The following SHTN1 variants were observed in gnomAD, a reference collection of about 807,000 sequenced individuals.
SHTN1 encodes the protein shootin-1.
In SHTN1, 42 loss-of-function variants were observed where a neutral mutation model predicts 83.1. The observed-to-expected ratio is 0.51, with a 90% CI of 0.39 to 0.65. SHTN1 has a LOEUF of 0.65. Among genes scored for constraint, SHTN1 ranks in the 30% least tolerant of loss-of-function variants. SHTN1 has a pLI of 0.00. For missense variants in SHTN1, 622 were observed against 737.8 expected (o/e 0.84, Z 1.82); for synonymous variants, 224 against 247.7 (o/e 0.90, Z 0.90).
chr10:116,955,376 A>G (rs555179365), intron 4 of SHTN1, among the ~76,000 whole-genome samples: 102 of 152,332 alleles, frequency 6.7e-4, no homozygotes, highest in Non-Finnish European at 1.2e-3. Flanking sequence ...AGTAATCAGT[A>G]GATTATTTTC....
chr10:117,008,812 A>G (rs945754094), upstream of SHTN1, among the ~76,000 whole-genome samples: 3 of 152,204 alleles, frequency 2.0e-5, no homozygotes, highest in South Asian at 6.2e-4. Flanking sequence ...TTCTCTGAAT[A>G]TACTCAAAAC....
At chr10:116,973,366 T>G (rs910634628) in intron 2 of SHTN1, among the ~76,000 whole-genome samples, 1 of 152,198 alleles carries the variant, frequency 6.6e-6, no homozygotes, top group African/African-American at 2.4e-5. Context: ...AGTGCATATA[T>G]GCACTGCATA....
At chr10:116,921,075 G>A (rs751396003) in intron 12 of SHTN1, among the ~76,000 whole-genome samples, 7 of 152,168 alleles carry the variant, frequency 4.6e-5, no homozygotes, top group Non-Finnish European at 1.0e-4. Flanking sequence ...CAGTGGAGTA[G>A]TACATACTAA....
intron 16 of SHTN1, among the ~76,000 whole-genome samples, chr10:116,897,861 G>A (rs146100183): frequency 4.7e-4 from 72 of 152,226 alleles, no homozygotes; most frequent in African/African-American, 1.6e-3. Context: ...TATGTGGACA[G>A]GCACCGGCTT....
intron 1 of SHTN1, among the ~76,000 whole-genome samples, chr10:117,049,887 G>GC (rs1852716629): frequency 6.6e-6 from 1 of 152,054 alleles, no homozygotes. Flanking sequence ...AATTTATACT[G>GC]CTAAATGCTT....
intron 16 of SHTN1, among the ~76,000 whole-genome samples, chr10:116,897,070 G>T (rs1160883425): frequency 2.0e-5 from 3 of 152,164 alleles, no homozygotes; most frequent in Admixed American, 2.0e-4. Context: ...GCCTCCCAAA[G>T]TGCTGGGATT....
rs375717154 is a variant in SHTN1 at position 116,931,310 on chromosome 10, G to A, written c.859-1308C>T. On this transcript the variant is annotated intron_variant, in intron 9 of 16. Transcript: ENST00000355371. ...TTCGGCCAGGCTGGAGTGCAGTGGC[G>A]CGATCTGGGCTCACTGCAAACTTCG... Among the ~76,000 whole-genome samples the A allele has an allele frequency of 6.6e-5, 10 of 152,100 alleles. No homozygotes were observed. The South Asian group carries it at 1.0e-3, about 16-fold the overall frequency.
intron 1 of SHTN1, among the ~76,000 whole-genome samples, chr10:117,114,153 A>C (rs1160753402): frequency 6.6e-6 from 1 of 152,226 alleles, no homozygotes; most frequent in African/African-American, 2.4e-5. Flanking sequence ...AAGCTGCAGC[A>C]AGCTGTAATC....
At chr10:116,983,684 ATAAATACATACATACATACATACATAC>A (rs1851123813) in intron 1 of SHTN1, among the ~76,000 whole-genome samples, 17 of 83,392 alleles carry the variant, frequency 2.0e-4, no homozygotes, top group South Asian at 1.4e-3. Context: ...AGATAGATAG[ATAAATACATACATACATACATACATAC>A]ATACATACAT....
At chr10:116,992,368 T>C (rs1277483862) in intron 1 of SHTN1, among the ~76,000 whole-genome samples, 1 of 152,182 alleles carries the variant, frequency 6.6e-6, no homozygotes, top group African/African-American at 2.4e-5. Flanking sequence ...GTCTTGCAAA[T>C]TGTTTACAAA....
intron 1 of SHTN1, chr10:117,048,611 G>A (rs1426805164): frequency 3.4e-6 from 1 of 294,258 alleles, no homozygotes; most frequent in Non-Finnish European, 5.0e-6. Context: ...AATGTGTTCA[G>A]ACTCCCCAAT....
chr10:116,968,691 G>T lies in SHTN1; in HGVS notation c.133C>A (p.Arg45=). The change falls in exon 3 of 17, where the codon CGA becomes AGA. Residue 45 remains arginine, a synonymous_variant. Transcript: ENST00000355371. ...TCCAGTTTTTTAACGGCTTCATCTC[G>T]TTCTTGCCTAATTTTGTCACACTGA... is the stretch of plus-strand genomic sequence containing the variant. ...KEKCDKIRQE[R]DEAVKKLEEF... The T allele has an allele frequency of 6.2e-7, 1 of 1,611,702 alleles. No individual in the cohort carries two copies. Among genetic ancestry groups the T allele is most frequent in the Non-Finnish European group, 8.5e-7 (1 of 1,178,468 alleles).
chr10:116,953,046 T>A (rs1441357355), intron 5 of SHTN1, among the ~76,000 whole-genome samples: 3 of 152,188 alleles, frequency 2.0e-5, no homozygotes, highest in African/African-American at 7.2e-5. Context: ...GCTTGAGGGG[T>A]TGAAGAGTAG....
At chr10:117,053,837 G>C (rs532290314) in intron 1 of SHTN1, among the ~76,000 whole-genome samples, 7 of 151,918 alleles carry the variant, frequency 4.6e-5, no homozygotes, top group African/African-American at 9.7e-5. Flanking sequence ...ATAATCAAAA[G>C]GTAGAAACAA....
intron 2 of SHTN1, among the ~76,000 whole-genome samples, chr10:117,035,651 T>C (rs1362974977): frequency 6.6e-6 from 1 of 151,868 alleles, no homozygotes; most frequent in Non-Finnish European, 1.5e-5. Flanking sequence ...AATAATATGA[T>C]TTAAAAATGG....
At chr10:117,084,581 G>C (rs1012062767) in intron 1 of SHTN1, among the ~76,000 whole-genome samples, 1 of 152,182 alleles carries the variant, frequency 6.6e-6, no homozygotes, top group Non-Finnish European at 1.5e-5. Flanking sequence ...CGAGCTTCCC[G>C]GCTGCTTTGT....
rs547101763 is a variant in SHTN1, at chr10:116,884,785, C to A, written c.*1559G>T. Reference sequence around the variant, plus strand: ...AAACCAGAAACGTTAATAATAACCACAACTGACCCTTAATGGGAAACTATT... The same window carrying A: ...AAACCAGAAACGTTAATAATAACCAAAACTGACCCTTAATGGGAAACTATT... On this transcript the variant is annotated 3_prime_UTR_variant, in exon 17 of 17. Transcript: ENST00000355371. The A allele has an allele frequency of 7.0e-5, 11 of 157,538 alleles. No homozygotes were observed. In the South Asian group the frequency reaches 2.0e-3, roughly 29 times the overall value. The allele number at this position is 157,538 out of a possible 1,614,324, so 9.8% of individuals were successfully genotyped here.
chr10:117,067,714 T>C (rs1853023028), intron 1 of SHTN1, among the ~76,000 whole-genome samples: 1 of 151,896 alleles, frequency 6.6e-6, no homozygotes, highest in Non-Finnish European at 1.5e-5. Context: ...ATTTAGGAGG[T>C]TGTTGCAGCA....
intron 1 of SHTN1, among the ~76,000 whole-genome samples, chr10:117,077,483 C>CT (rs112825619): frequency 4.6e-5 from 7 of 151,378 alleles, no homozygotes; most frequent in Admixed American, 2.6e-4. Flanking sequence ...GGAGGAGAAT[C>CT]TTTTTTTTTA....
Sources: gnomAD v4.1 joint callset for allele counts (sites outside exome capture counted in the v4.1 genomes callset) on GRCh38, gnomAD v4.1.1 for gene constraint, MANE v1.5 for transcripts, NCBI Gene and HGNC (gene_info 2026-07-23, HGNC 2026-07-21) for gene names.